SF3A3: variants seen among roughly 807,000 people sequenced by gnomAD.
SF3A3 encodes SAP 61.
In SF3A3, 9 loss-of-function variants were observed where a neutral mutation model predicts 85.8. That is an observed-to-expected ratio of 0.10 (90% CI 0.06 to 0.18). The LOEUF (loss-of-function observed/expected upper bound fraction) is 0.18. Ranked by LOEUF, SF3A3 falls within the 10% of genes least tolerant of loss-of-function variation. The pLI is 1.00. For missense variants in SF3A3, 306 were observed against 593.3 expected (o/e 0.52, Z 5.03); for synonymous variants, 195 against 204.4 (o/e 0.95, Z 0.39).
chr1:37,985,259 G>C (rs561516395), intron 4 of SF3A3, among the ~76,000 whole-genome samples: 1 of 152,264 alleles, frequency 6.6e-6, no homozygotes, highest in South Asian at 2.1e-4. Context: ...TTTTTGTACT[G>C]TTTGAGTAAA....
At chr1:37,975,064 CA>C (rs201445525) in intron 12 of SF3A3, among the ~76,000 whole-genome samples, 2 of 151,990 alleles carry the variant, frequency 1.3e-5, no homozygotes, top group African/African-American at 2.4e-5. Flanking sequence ...ACTATTGTAT[CA>C]AAAAAATTTG....
intron 15 of SF3A3, among the ~76,000 whole-genome samples, chr1:37,965,295 A>G (rs1464174429): frequency 8.0e-6 from 1 of 124,672 alleles, no homozygotes; most frequent in Non-Finnish European, 1.6e-5. Context: ...AGGAAACCCC[A>G]TCGGCACAAA....
Position 37,978,999 on chromosome 1 carries a change from C to T in SF3A3, c.816G>A (p.Leu272=). ...RLKSALLALG[L]KCGGTLEERA... The stretch of plus-strand genomic sequence containing the variant: ...AAACTATTCCTTACCCGCCACATTT[C>T]AAGCCTAAAGCTAAGAGAGCAGATT... Residue 272 remains leucine, a synonymous_variant, in exon 10 of 17, where the codon TTG becomes TTA. Transcript: ENST00000373019. The T allele has an allele frequency of 6.2e-7, 1 of 1,613,942 alleles. No homozygotes were observed. The highest frequency in any genetic ancestry group is 1.1e-5 in the South Asian group (1 of 91,078).
chr1:37,982,292 A>G lies in SF3A3; in HGVS notation c.469-481T>C, dbSNP rs1332969050. ...TACAACTCTGGGACATTTCTTCACA[A>G]TTCCATGAGGAATCTAATCATGGAT... On this transcript the variant is annotated intron_variant, in intron 6 of 16. Coordinates refer to ENST00000373019, the MANE Select transcript of SF3A3 (RefSeq NM_006802.4). 1.3e-5 allele frequency among the ~76,000 whole-genome samples: 2 copies of G among 152,156 alleles called. 1 individual carries two copies.
At position 37,978,791 on chromosome 1, in the gene SF3A3, G is replaced by A. The variant is rs1175727633; in HGVS notation, c.864C>T (p.Thr288=). ...LEERAQRLFS[T]KGKSLESLDT... ...CAAGTGACTCCAGGGACTTTCCTTT[G>A]GTACTGAATAGTCTCTGGGCTCGCT... The change falls in exon 11 of 17, where the codon ACC becomes ACT. Residue 288 remains threonine (T), a synonymous_variant. Transcript: ENST00000373019. 2.5e-6 allele frequency: 4 copies of A among 1,573,630 alleles called. No homozygotes were observed. The highest frequency in any genetic ancestry group is 3.7e-5 in the Admixed American group (2 of 53,782).
intron 5 of SF3A3, 29 bp from the exon 6 acceptor site, chr1:37,984,289 A>G: frequency 7.8e-7 from 1 of 1,290,240 alleles, no homozygotes; most frequent in South Asian, 1.2e-5. Flanking sequence ...TCAATGATTC[A>G]GTTTCTACAG....
In SF3A3 at chr1:37,976,153, C is replaced by G. The variant is rs1359232153; in HGVS notation, c.1005+731G>C. ...CCTGGGTGACAGAGCAAGACTCTGT[C>G]TCAAAAAAAAAAAAAAAACTGTACA... is the stretch of plus-strand genomic sequence containing the variant. On this transcript the variant is annotated intron_variant, in intron 12 of 16. Transcript: ENST00000373019. Among the ~76,000 whole-genome samples the G allele has an allele frequency of 6.1e-4, 5 of 8,170 alleles. No homozygotes were observed. In the Admixed American group the frequency reaches 6.9e-3, roughly 11 times the overall value. The allele number at this position is 8,170 out of a possible 152,430, so 5.4% of individuals were successfully genotyped here.
At chr1:37,967,031 C>G in intron 15 of SF3A3, among the ~76,000 whole-genome samples, 2 of 135,370 alleles carry the variant, frequency 1.5e-5, no homozygotes, top group African/African-American at 5.7e-5. Context: ...GGGTGGATCA[C>G]TTGAGGTCAG....
Position 37,960,112 on chromosome 1 carries a change from G to A in SF3A3, c.1428+8C>T. On this transcript the variant is annotated splice_region_variant and intron_variant, in intron 16 of 16. Transcript: ENST00000373019. ...ACTATCCCTAACACCATCCACATTA[G>A]TACCCACCTCAGTGTCAGGCTGCCA... 1 of 1,613,038 alleles carries A rather than the reference G, an allele frequency of 6.2e-7. No individual in the cohort carries two copies. Among genetic ancestry groups the A allele is most frequent in the Non-Finnish European group, 8.5e-7 (1 of 1,179,226 alleles).
chr1:37,982,229 G>A (rs1478787770), intron 6 of SF3A3, among the ~76,000 whole-genome samples: 1 of 152,076 alleles, frequency 6.6e-6, no homozygotes, highest in Non-Finnish European at 1.5e-5. Context: ...ACAGACAAGG[G>A]ATCTGACTTG....
intron 1 of SF3A3, 64 bp downstream of exon 1, chr1:37,989,806 C>G (rs1454526717): frequency 1.4e-6 from 2 of 1,396,782 alleles, no homozygotes; most frequent in East Asian, 2.3e-5. Context: ...AGCAAGCTCT[C>G]AGAGGTCAAA....
intron 12 of SF3A3, 53 bp downstream of exon 12, chr1:37,976,831 C>T: frequency 1.8e-6 from 2 of 1,140,688 alleles, no homozygotes; most frequent in Middle Eastern, 2.0e-4. Flanking sequence ...GTTCCTCTCC[C>T]TTTAACTCCT....
intron 15 of SF3A3, 113 bp downstream of exon 15, chr1:37,967,931 C>A: frequency 1.4e-6 from 1 of 695,984 alleles, no homozygotes; most frequent in Non-Finnish European, 2.6e-6. Context: ...CTAGATTTTA[C>A]ATATCCACAA....
intron 12 of SF3A3, among the ~76,000 whole-genome samples, 183 bp downstream of exon 12, chr1:37,976,701 A>G (rs1044051809): frequency 2.0e-5 from 3 of 152,142 alleles, no homozygotes; most frequent in African/African-American, 7.2e-5. Context: ...TGGGAGTATC[A>G]TCTAACAACA....
chr1:37,989,438 C>T (rs1646479341), intron 2 of SF3A3, 110 bp downstream of exon 2: 1 of 1,209,694 alleles, frequency 8.3e-7, no homozygotes, highest in Non-Finnish European at 1.2e-6. Context: ...CCGCGACTGG[C>T]CAATCCGGTT....
intron 6 of SF3A3, among the ~76,000 whole-genome samples, chr1:37,982,600 G>C (rs2148723340): frequency 6.6e-6 from 1 of 152,246 alleles, no homozygotes; most frequent in South Asian, 2.1e-4. Context: ...TTGAACACCT[G>C]ACCTCAGGTG....
chr1:37,977,036 C>T (rs1309078513), intron 11 of SF3A3, 83 bp from the exon 12 acceptor site: 5 of 912,914 alleles, frequency 5.5e-6, no homozygotes, highest in Non-Finnish European at 9.0e-6. Flanking sequence ...ATTTATTGCA[C>T]AACTGCATTA....
rs1048950882 is a variant in SF3A3 at position 37,966,675 on chromosome 1, G to A, written c.1372+1369C>T. Among the ~76,000 whole-genome samples the A allele has an allele frequency of 3.3e-5, 5 of 152,050 alleles. No individual in the cohort carries two copies. In the East Asian group the frequency reaches 7.8e-4, roughly 24 times the overall value. ...TAATTAGCTGGGCACGGTGGATCAC[G>A]CCTGTAATCGCAGCACTTTGGGAGG... On this transcript the variant is annotated intron_variant, in intron 15 of 16. Transcript: ENST00000373019.
In SF3A3 at chr1:37,990,003, C is replaced by A. The variant is rs774533406; in HGVS notation, c.-38G>T. On this transcript the variant is annotated 5_prime_UTR_variant, in exon 1 of 17. Coordinates refer to ENST00000373019, the MANE Select transcript of SF3A3 (RefSeq NM_006802.4). The stretch of plus-strand genomic sequence containing the variant: ...GCGGCTTCTCAATTCAGACCACCAA[C>A]ACGGCCGGAAGCAACTCCTGCCGCC... 1.3e-6 allele frequency: 2 copies of A among 1,512,542 alleles called. No homozygotes were observed. Among genetic ancestry groups the A allele is most frequent in the Non-Finnish European group, 1.8e-6 (2 of 1,096,558 alleles). 93.7% of individuals were successfully genotyped at this position (1,512,542 alleles called of 1,614,324 possible). A position where few individuals can be genotyped will look rare whatever the true frequency, so the allele number is the denominator to read the frequency against.
Sources: gnomAD v4.1 joint callset for allele counts (sites outside exome capture counted in the v4.1 genomes callset) on GRCh38, gnomAD v4.1.1 for gene constraint, MANE v1.5 for transcripts, NCBI Gene and HGNC (gene_info 2026-07-23, HGNC 2026-07-21) for gene names.